MAP2: variants seen among roughly 807,000 people sequenced by gnomAD.
MAP2 encodes the protein microtubule-associated protein 2.
MAP2 carries 14 observed loss-of-function variants against 137.6 expected under a neutral mutation model. The observed-to-expected ratio is 0.10, with a 90% CI of 0.07 to 0.16. The LOEUF is 0.16. MAP2 is among the 10% of genes least tolerant of loss of function. The pLI, the probability that MAP2 is intolerant of heterozygous loss-of-function variation, is 1.00. For missense variants in MAP2, 2,088 were observed against 2,191.5 expected (o/e 0.95, Z 0.94); for synonymous variants, 786 against 782.3 (o/e 1.00, Z -0.08).
intron 5 of MAP2, among the ~76,000 whole-genome samples, chr2:209,674,982 G>A (rs1407878509): frequency 6.6e-6 from 1 of 151,812 alleles, no homozygotes; most frequent in African/African-American, 2.4e-5. Flanking sequence ...TTACTTAGAG[G>A]AAGATTTTAA....
chr2:209,708,099 G>T (rs1174244911), intron 12 of MAP2, among the ~76,000 whole-genome samples: 1 of 152,138 alleles, frequency 6.6e-6, no homozygotes, highest in Non-Finnish European at 1.5e-5. Flanking sequence ...ATTCAAAACT[G>T]GTGAAGTAAT....
chr2:209,632,281 G>A (rs572696438), intron 4 of MAP2, among the ~76,000 whole-genome samples: 2 of 152,210 alleles, frequency 1.3e-5, no homozygotes, highest in African/African-American at 4.8e-5. Context: ...ACTATTTGGA[G>A]TGAAGGGCCA....
intron 2 of MAP2, among the ~76,000 whole-genome samples, chr2:209,519,951 G>T (rs1164479338): frequency 1.3e-5 from 2 of 152,036 alleles, no homozygotes; most frequent in Non-Finnish European, 2.9e-5. Flanking sequence ...AGACCTTGTG[G>T]AGAGCAGAAT....
At chr2:209,579,795 T>A (rs1373864001) in intron 2 of MAP2, 1 of 152,202 alleles carries the variant, frequency 6.6e-6, no homozygotes, top group Non-Finnish European at 1.5e-5. Context: ...CGTTTCATTT[T>A]CAATTCGTTT....
intron 1 of MAP2, among the ~76,000 whole-genome samples, chr2:209,437,552 T>G (rs2048953614): frequency 6.6e-6 from 1 of 151,646 alleles, no homozygotes; most frequent in African/African-American, 2.4e-5. Flanking sequence ...GAATTAGAAT[T>G]AAATAATTGG....
intron 11 of MAP2, chr2:209,704,098 A>G: frequency 2.2e-6 from 1 of 450,490 alleles, no homozygotes; most frequent in South Asian, 1.6e-5. Flanking sequence ...GAACTTCCCA[A>G]TAGGAAGTTT....
chr2:209,464,178 G>T (rs1333035887), intron 1 of MAP2, among the ~76,000 whole-genome samples: 1 of 152,048 alleles, frequency 6.6e-6, no homozygotes, highest in East Asian at 1.9e-4. Flanking sequence ...GATTGAAATG[G>T]TTCACTAAAA....
intron 1 of MAP2, among the ~76,000 whole-genome samples, chr2:209,494,637 A>T (rs957822105): frequency 6.6e-6 from 1 of 152,204 alleles, no homozygotes; most frequent in African/African-American, 2.4e-5. Flanking sequence ...AAATAATCAT[A>T]CAAATGGACA....
chr2:209,548,553 A>G lies in MAP2; in HGVS notation c.-171-31483A>G, dbSNP rs2068534762. On this transcript the variant is annotated intron_variant, in intron 2 of 15. Transcript: ENST00000682079. ...ACAGAATGTCAGAAAAATATTAGCCAGAAATGCAATCAATTGTTCAATGAT... is the reference window on the plus strand; with the variant it reads ...ACAGAATGTCAGAAAAATATTAGCCGGAAATGCAATCAATTGTTCAATGAT... Among the ~76,000 whole-genome samples the G allele has an allele frequency of 2.0e-5, 3 of 152,240 alleles. 1 individual carries two copies. The South Asian group carries it at 6.2e-4, about 31-fold the overall frequency.
intron 2 of MAP2, among the ~76,000 whole-genome samples, chr2:209,568,170 A>G (rs746825861): frequency 3.3e-5 from 5 of 151,984 alleles, no homozygotes; most frequent in Non-Finnish European, 5.9e-5. Context: ...GAGGAAGAGG[A>G]GAGACTAAGA....
At chr2:209,482,020 T>A (rs1014698907) in intron 1 of MAP2, among the ~76,000 whole-genome samples, 1 of 151,762 alleles carries the variant, frequency 6.6e-6, no homozygotes, top group African/African-American at 2.4e-5. Context: ...ACCGTGGAAC[T>A]TCTTTTTTTT....
At chr2:209,444,831 A>T (rs1698666610) in intron 1 of MAP2, among the ~76,000 whole-genome samples, 1 of 151,504 alleles carries the variant, frequency 6.6e-6, no homozygotes, top group Non-Finnish European at 1.5e-5. Context: ...AGCAATTTTT[A>T]AAAATAGTAT....
At chr2:209,515,955 A>AT (rs1294715463) in intron 2 of MAP2, among the ~76,000 whole-genome samples, 1 of 151,256 alleles carries the variant, frequency 6.6e-6, no homozygotes, top group Non-Finnish European at 1.5e-5. Context: ...GCCAAGCTAA[A>AT]TTTTTTTTCT....
intron 2 of MAP2, among the ~76,000 whole-genome samples, chr2:209,533,981 C>G (rs1394718480): frequency 6.6e-6 from 1 of 152,162 alleles, no homozygotes; most frequent in Non-Finnish European, 1.5e-5. Context: ...TGAGTGCTGG[C>G]TGAAGGAACT....
chr2:209,711,383 A>G (rs2065407386), intron 13 of MAP2, among the ~76,000 whole-genome samples: 3 of 152,154 alleles, frequency 2.0e-5, no homozygotes. Flanking sequence ...TCATTTAGCA[A>G]CAAACTTCTT....
Position 209,730,443 on chromosome 2 carries a change from C to G in MAP2, c.*46C>G. 7.0e-7 allele frequency: 1 copy of G among 1,435,200 alleles called. No individual in the cohort carries two copies. The highest frequency in any genetic ancestry group is 9.7e-7 in the Non-Finnish European group (1 of 1,028,372). The allele number at this position is 1,435,200 out of a possible 1,614,324, so 88.9% of individuals were successfully genotyped here. On this transcript the variant is annotated 3_prime_UTR_variant, in exon 16 of 16. Coordinates refer to ENST00000682079, the MANE Select transcript of MAP2 (RefSeq NM_001375505.1). The stretch of plus-strand genomic sequence containing the variant: ...AAATAATAATATTTAGGCATGAGCT[C>G]TTGGCAGGAGTGGGCTCTGAGCAGT...
chr2:209,572,954 A>T (rs909349109), intron 2 of MAP2, among the ~76,000 whole-genome samples: 2 of 152,206 alleles, frequency 1.3e-5, no homozygotes, highest in South Asian at 2.1e-4. Flanking sequence ...CATATCTTTC[A>T]TTTATAATAC....
At chr2:209,554,702 C>T (rs534350771) in intron 2 of MAP2, among the ~76,000 whole-genome samples, 2 of 151,678 alleles carry the variant, frequency 1.3e-5, no homozygotes, top group South Asian at 4.2e-4. Flanking sequence ...GTGAGCTGTG[C>T]CTGAATTATT....
chr2:209,530,363 G>A (rs556274697), intron 2 of MAP2, among the ~76,000 whole-genome samples: 2 of 152,262 alleles, frequency 1.3e-5, no homozygotes, highest in South Asian at 4.1e-4. Context: ...ACTAACATTT[G>A]AGGATTCTTT....
Sources: gnomAD v4.1 joint callset for allele counts (sites outside exome capture counted in the v4.1 genomes callset) on GRCh38, gnomAD v4.1.1 for gene constraint, MANE v1.5 for transcripts, NCBI Gene and HGNC (gene_info 2026-07-23, HGNC 2026-07-21) for gene names.